Variants in DIAPH3 observed in about 807,000 individuals in gnomAD.
DIAPH3 encodes protein diaphanous homolog 3.
DIAPH3 carries 117 observed loss-of-function variants against 144.3 expected under a neutral mutation model. That is an observed-to-expected ratio of 0.81 (90% CI 0.70 to 0.95). The LOEUF (loss-of-function observed/expected upper bound fraction) is 0.95, where lower values mean the gene tolerates loss of function less well. Ranked by LOEUF, DIAPH3 falls within the 40% of genes least tolerant of loss-of-function variation. The pLI, the probability that DIAPH3 is intolerant of heterozygous loss-of-function variation, is 0.00. For missense variants in DIAPH3, 1,421 were observed against 1,412.7 expected (o/e 1.01, Z -0.09); for synonymous variants, 519 against 488.9 (o/e 1.06, Z -0.81).
chr13:59,710,623 T>TTACAAA (rs2034683640), intron 27 of DIAPH3, among the ~76,000 whole-genome samples: 1 of 152,220 alleles, frequency 6.6e-6, no homozygotes, highest in Admixed American at 6.5e-5. Context: ...AATCTGAGTC[T>TTACAAA]TCATTTATTT....
intron 24 of DIAPH3, among the ~76,000 whole-genome samples, chr13:59,816,461 C>T (rs1270640496): frequency 1.3e-5 from 2 of 151,542 alleles, no homozygotes; most frequent in African/African-American, 2.4e-5. Context: ...TCTCTTTTTA[C>T]TATTTTCTGT....
At chr13:59,928,785 T>C (rs947547245) in intron 17 of DIAPH3, among the ~76,000 whole-genome samples, 3 of 152,148 alleles carry the variant, frequency 2.0e-5, no homozygotes, top group African/African-American at 7.2e-5. Context: ...TGTATATGGA[T>C]ACCAGCAGGC....
At chr13:59,670,818 C>T (rs549040441) in intron 27 of DIAPH3, among the ~76,000 whole-genome samples, 19 of 152,166 alleles carry the variant, frequency 1.2e-4, no homozygotes, top group Non-Finnish European at 2.2e-4. Context: ...CTCCTGACCT[C>T]GTGATCCGCC....
chr13:59,863,131 T>C (rs2139943102), intron 21 of DIAPH3, among the ~76,000 whole-genome samples: 1 of 152,226 alleles, frequency 6.6e-6, no homozygotes, highest in Non-Finnish European at 1.5e-5. Context: ...AGCTAAAACT[T>C]CAACAATGAT....
rs74768864 is a variant in DIAPH3, at chr13:59,767,149, T to G, written c.3319+7040A>C. On this transcript the variant is annotated intron_variant, in intron 27 of 27. Coordinates refer to ENST00000400324, the MANE Select transcript of DIAPH3 (RefSeq NM_001042517.2). ...GACCAAAGACTATCCCAGGTACACATGACGTCATTTCCTCTGTATGCTCAG... is the reference window on the plus strand; with the variant it reads ...GACCAAAGACTATCCCAGGTACACAGGACGTCATTTCCTCTGTATGCTCAG... 7.5e-4 allele frequency among the ~76,000 whole-genome samples: 114 copies of G among 152,272 alleles called. 3 individuals are homozygous for G. The highest frequency in any genetic ancestry group is 6.2e-3 in the East Asian group (32 of 5,176).
chr13:59,668,974 G>A (rs747664605), intron 27 of DIAPH3, among the ~76,000 whole-genome samples: 1 of 152,066 alleles, frequency 6.6e-6, no homozygotes, highest in African/African-American at 2.4e-5. Context: ...AGGAGGTTAA[G>A]TCATTTGCTT....
chr13:59,769,939 A>G (rs1455772255), intron 27 of DIAPH3, among the ~76,000 whole-genome samples: 1 of 152,190 alleles, frequency 6.6e-6, no homozygotes, highest in Non-Finnish European at 1.5e-5. Context: ...TTGAATAAAG[A>G]AAATAGATAA....
intron 27 of DIAPH3, among the ~76,000 whole-genome samples, chr13:59,715,805 T>C (rs936550954): frequency 1.3e-5 from 2 of 152,188 alleles, no homozygotes; most frequent in African/African-American, 4.8e-5. Context: ...AAGATAAGGA[T>C]AATCTTCACT....
At chr13:59,938,813 G>A (rs2140368469) in intron 17 of DIAPH3, among the ~76,000 whole-genome samples, 1 of 152,230 alleles carries the variant, frequency 6.6e-6, no homozygotes, top group East Asian at 1.9e-4. Context: ...AGTAGAGAAT[G>A]GGGAGTTAGT....
At position 59,666,720 on chromosome 13, in the gene DIAPH3, A is replaced by G. The variant is rs2032033982; in HGVS notation, c.3446T>C (p.Ile1149Thr). ...CGCTTCCTTCTTCTCAGCTGCCTTGATCCTCCCAGTAGACGTATGAGTGTC... is the reference window on the plus strand; with the variant it reads ...CGCTTCCTTCTTCTCAGCTGCCTTGGTCCTCCCAGTAGACGTATGAGTGTC... ...NLDTHTSTGR[I>T]KAAEKKEACN... The change falls in exon 28 of 28, where the codon ATC becomes ACC. Residue 1149 changes from isoleucine (I) to threonine (T), a missense_variant. Ile to Thr is a moderately conservative substitution (Grantham distance 89, BLOSUM62 -1). Coordinates refer to ENST00000400324, the MANE Select transcript of DIAPH3 (RefSeq NM_001042517.2). 1 of 1,613,910 alleles carries G rather than the reference A, an allele frequency of 6.2e-7. No individual in the cohort carries two copies. The highest frequency in any genetic ancestry group is 8.5e-7 in the Non-Finnish European group (1 of 1,180,008).
chr13:60,127,889 G>A (rs1429719257), intron 2 of DIAPH3, among the ~76,000 whole-genome samples: 1 of 151,984 alleles, frequency 6.6e-6, no homozygotes, highest in African/African-American at 2.4e-5. Context: ...TATATTGTAA[G>A]TAAATCATAC....
chr13:59,723,919 T>C (rs1341512072), intron 27 of DIAPH3, among the ~76,000 whole-genome samples: 1 of 140,358 alleles, frequency 7.1e-6, no homozygotes, highest in Non-Finnish European at 1.5e-5. Context: ...AGCCAGAAAA[T>C]GATAGTCTAT....
intron 6 of DIAPH3, 22 bp from the exon 7 acceptor site, chr13:60,016,004 C>G (rs370058847): frequency 1.2e-6 from 2 of 1,610,770 alleles, no homozygotes; most frequent in African/African-American, 2.7e-5. Flanking sequence ...TAAAAAATAG[C>G]AGTGTTGGAA....
chr13:59,869,995 A>T (rs1370645874), intron 21 of DIAPH3, among the ~76,000 whole-genome samples: 2 of 152,126 alleles, frequency 1.3e-5, no homozygotes, highest in African/African-American at 2.4e-5. Flanking sequence ...TCAATTTATC[A>T]ATTTTCTTTC....
chr13:60,119,910 T>A (rs1280902620), intron 2 of DIAPH3, among the ~76,000 whole-genome samples: 5 of 152,048 alleles, frequency 3.3e-5, no homozygotes, highest in African/African-American at 1.2e-4. Context: ...CAAGTAATAC[T>A]TGTTGAAGGT....
In DIAPH3 at chr13:59,974,884, A is replaced by G. The variant is rs536361152; in HGVS notation, c.1546-428T>C. On this transcript the variant is annotated intron_variant, in intron 14 of 27. Transcript: ENST00000400324. ...GAAGTATATCAACATGATTTAGAGG[A>G]TTTCATTTTAATATTTTTTATTACT... Among the ~76,000 whole-genome samples, 39 of 152,184 alleles carry G rather than the reference A, an allele frequency of 2.6e-4. 1 individual carries two copies. The highest frequency in any genetic ancestry group is 3.4e-3 in the Middle Eastern group (1 of 294).
chr13:60,028,013 C>T (rs907726015), intron 5 of DIAPH3, among the ~76,000 whole-genome samples: 1 of 152,124 alleles, frequency 6.6e-6, no homozygotes, highest in Non-Finnish European at 1.5e-5. Flanking sequence ...TTCATTGCTA[C>T]TTTTGTGTGG....
At chr13:60,052,412 G>C (rs73216402) in intron 4 of DIAPH3, among the ~76,000 whole-genome samples, 3,560 of 152,256 alleles carry the variant, frequency 0.023, 67 homozygotes, top group Non-Finnish European at 0.034. Context: ...AAGTAAATGA[G>C]AAAGTGGGAT....
chr13:59,891,943 A>C (rs747692431), intron 20 of DIAPH3, among the ~76,000 whole-genome samples: 35 of 152,108 alleles, frequency 2.3e-4, no homozygotes, highest in Middle Eastern at 6.8e-3. Flanking sequence ...ATTGTGTATC[A>C]AATATTTATT....
Sources: gnomAD v4.1 joint callset for allele counts (sites outside exome capture counted in the v4.1 genomes callset) on GRCh38, gnomAD v4.1.1 for gene constraint, MANE v1.5 for transcripts, NCBI Gene and HGNC (gene_info 2026-07-23, HGNC 2026-07-21) for gene names.